Variants in TRIP12 observed in about 807,000 individuals in gnomAD.
The protein encoded by TRIP12 is thyroid hormone receptor interactor 12.
TRIP12 carries 25 observed loss-of-function variants against 244.2 expected under a neutral mutation model. That is an observed-to-expected ratio of 0.10 (90% CI 0.07 to 0.14). The LOEUF (loss-of-function observed/expected upper bound fraction) is 0.14. TRIP12 is among the 10% of genes least tolerant of loss of function. TRIP12 has a pLI of 1.00. For synonymous variants in TRIP12, 905 were observed against 873.1 expected (o/e 1.04, Z -0.64); for missense variants, 1,677 against 2,486.4 (o/e 0.67, Z 6.92).
At position 229,792,191 on chromosome 2, in the gene TRIP12, C is replaced by T. The variant is rs962906182; in HGVS notation, c.4177G>A (p.Asp1393Asn). The T allele has an allele frequency of 4.3e-6, 7 of 1,613,936 alleles. No individual in the cohort carries two copies. Among genetic ancestry groups the T allele is most frequent in the South Asian group, 1.1e-5 (1 of 91,066 alleles). The change falls in exon 28 of 42, where the codon GAT becomes AAT. Residue 1393 changes from aspartate (D) to asparagine (N), a missense_variant. This residue lies in a region of TRIP12 where 265 missense variants were observed against 370.8 expected (regional missense o/e 0.71). Coordinates refer to ENST00000675903, the MANE Select transcript of TRIP12 (RefSeq NM_001348323.3). ...GRVREDDEDS[D>N]DDGSDEEIDE... Reference sequence around the variant, plus strand: ...ATTTCCTCATCTGATCCATCGTCATCGCTGTCTTCATCATCTTCTCTTACT... The same window carrying T: ...ATTTCCTCATCTGATCCATCGTCATTGCTGTCTTCATCATCTTCTCTTACT...
chr2:229,858,756 C>A lies in TRIP12; in HGVS notation c.1027+16G>T. ...ACTTTCTTTAATTAAAGAAAAATAC[C>A]TTTTTGTAAACTTACTTGCTAATTT... is the stretch of plus-strand genomic sequence containing the variant. On this transcript the variant is annotated intron_variant, in intron 4 of 41. Coordinates refer to ENST00000675903, the MANE Select transcript of TRIP12 (RefSeq NM_001348323.3). The A allele has an allele frequency of 3.9e-6, 6 of 1,543,100 alleles. No individual in the cohort carries two copies. The highest frequency in any genetic ancestry group is 5.2e-6 in the Non-Finnish European group (6 of 1,145,042).
Position 229,879,844 on chromosome 2 carries a change from T to C in TRIP12, c.98+138A>G, listed in dbSNP as rs151042851. On this transcript the variant is annotated intron_variant, in intron 2 of 41. Transcript: ENST00000675903. ...GGAACTGCTTTGGATTCCAGTTTGC[T>C]TTTAAGTACCTGGCTCACAAATCAG... is the stretch of plus-strand genomic sequence containing the variant. The C allele has an allele frequency of 7.9e-4, 736 of 933,998 alleles. 7 individuals are homozygous for C. The African/African-American group carries it at 0.011, about 14-fold the overall frequency. 57.9% of individuals were successfully genotyped at this position (933,998 alleles called of 1,614,324 possible). A position where few individuals can be genotyped will look rare whatever the true frequency, so the allele number is the denominator to read the frequency against.
chr2:229,796,203 C>T (rs927161911), intron 25 of TRIP12, among the ~76,000 whole-genome samples: 3 of 152,170 alleles, frequency 2.0e-5, no homozygotes, highest in South Asian at 4.1e-4. Flanking sequence ...ATGTACAAAA[C>T]AAGAAAATAT....
intron 1 of TRIP12, among the ~76,000 whole-genome samples, chr2:229,893,577 CTTT>C (rs1328776269): frequency 1.3e-5 from 2 of 151,826 alleles, no homozygotes; most frequent in Admixed American, 6.6e-5. Context: ...TGTAAGGCTT[CTTT>C]GACTCAGCAT....
intron 4 of TRIP12, among the ~76,000 whole-genome samples, chr2:229,847,487 A>C (rs910195592): frequency 1.3e-5 from 2 of 152,238 alleles, no homozygotes; most frequent in Admixed American, 6.5e-5. Context: ...AAATGCCACT[A>C]ATACAGCATT....
At chr2:229,787,356 A>G in intron 33 of TRIP12, 149 bp downstream of exon 33, 1 of 656,238 alleles carries the variant, frequency 1.5e-6, no homozygotes, top group Non-Finnish European at 2.4e-6. Flanking sequence ...ATCACAGCCC[A>G]GTTCCAAGAG....
chr2:229,902,544 T>C (rs957792214), intron 1 of TRIP12, among the ~76,000 whole-genome samples: 1 of 152,230 alleles, frequency 6.6e-6, no homozygotes, highest in Non-Finnish European at 1.5e-5. Flanking sequence ...TACACTCAAC[T>C]ACTTTGAGAA....
intron 8 of TRIP12, among the ~76,000 whole-genome samples, chr2:229,823,798 G>A (rs76024735): frequency 0.014 from 2,161 of 152,064 alleles, 53 homozygotes; most frequent in African/African-American, 0.048. Context: ...ACTAGCCTGC[G>A]CAACATGGCG....
intron 1 of TRIP12, among the ~76,000 whole-genome samples, chr2:229,896,262 T>A (rs2068785491): frequency 6.6e-6 from 1 of 152,136 alleles, no homozygotes; most frequent in Non-Finnish European, 1.5e-5. Flanking sequence ...GTCGTTGTAT[T>A]TTCCACAAAA....
intron 2 of TRIP12, among the ~76,000 whole-genome samples, chr2:229,873,654 T>A (rs1448425681): frequency 6.6e-6 from 1 of 152,204 alleles, no homozygotes; most frequent in Non-Finnish European, 1.5e-5. Flanking sequence ...ATCCCAATCC[T>A]TTGAAATAGT....
intron 1 of TRIP12, among the ~76,000 whole-genome samples, chr2:229,905,287 A>AG (rs2072408725): frequency 6.6e-6 from 1 of 152,166 alleles, no homozygotes; most frequent in Non-Finnish European, 1.5e-5. Flanking sequence ...AAAAAAAAAA[A>AG]AAAAGTGTAT....
intron 4 of TRIP12, among the ~76,000 whole-genome samples, chr2:229,857,114 T>A (rs2059722833): frequency 6.6e-6 from 1 of 152,228 alleles, no homozygotes; most frequent in Admixed American, 6.5e-5. Flanking sequence ...TGATTCAATA[T>A]GAGCTATACT....
At chr2:229,774,016 G>T in intron 38 of TRIP12, 81 bp downstream of exon 38, 1 of 1,466,684 alleles carries the variant, frequency 6.8e-7, no homozygotes, top group Non-Finnish European at 9.3e-7. Context: ...GCCATAGCGT[G>T]TGCAGCCAGA....
rs1202042366 is a variant in TRIP12 at position 229,813,853 on chromosome 2, A to C, written c.1986+17T>G. On this transcript the variant is annotated intron_variant, in intron 13 of 41. Transcript: ENST00000675903. ...AATAAAACACTTTATGGCACATAAA[A>C]TAGATGCATATTTTACCTGATGTGT... is the stretch of plus-strand genomic sequence containing the variant. 1 of 1,464,534 alleles carries C rather than the reference A, an allele frequency of 6.8e-7. No individual in the cohort carries two copies. The highest frequency in any genetic ancestry group is 2.3e-5 in the East Asian group (1 of 43,168). 90.7% of individuals were successfully genotyped at this position (1,464,534 alleles called of 1,614,324 possible).
intron 5 of TRIP12, among the ~76,000 whole-genome samples, chr2:229,840,172 A>G (rs1024950040): frequency 2.6e-5 from 4 of 152,236 alleles, no homozygotes; most frequent in Non-Finnish European, 5.9e-5. Flanking sequence ...GATGCTCATT[A>G]GAAGTATATT....
intron 4 of TRIP12, among the ~76,000 whole-genome samples, chr2:229,857,057 GTTAAA>G (rs1008111439): frequency 2.6e-5 from 4 of 152,150 alleles, no homozygotes; most frequent in Admixed American, 1.3e-4. Flanking sequence ...AGACTGCAGT[GTTAAA>G]TTAAACAGAG....
At chr2:229,882,890 G>A (rs1015646093) in intron 1 of TRIP12, among the ~76,000 whole-genome samples, 3 of 152,138 alleles carry the variant, frequency 2.0e-5, no homozygotes, top group African/African-American at 7.2e-5. Context: ...CCTATTTGTC[G>A]ATAATTCTTG....
At chr2:229,799,447 A>G in intron 21 of TRIP12, 64 bp from the exon 22 acceptor site, 2 of 1,461,500 alleles carry the variant, frequency 1.4e-6, no homozygotes, top group Non-Finnish European at 1.9e-6. Flanking sequence ...TCACTCACTG[A>G]AAAAGCAAAC....
At chr2:229,792,606 A>G (rs11896401) in intron 27 of TRIP12, among the ~76,000 whole-genome samples, 77,025 of 152,014 alleles carry the variant, frequency 0.51, 19,881 homozygotes, top group African/African-American at 0.6. Context: ...GTTCACGGCA[A>G]CAATCAAAGT....
Sources: gnomAD v4.1 joint callset for allele counts (sites outside exome capture counted in the v4.1 genomes callset) on GRCh38, gnomAD v4.1.1 for gene constraint, gnomAD v4.1.1 regional missense constraint, MANE v1.5 for transcripts, NCBI Gene and HGNC (gene_info 2026-07-23, HGNC 2026-07-21) for gene names.